AGAP6: variants seen among roughly 807,000 people sequenced by gnomAD.
AGAP6 encodes ArfGAP with GTPase domain, ankyrin repeat and PH domain 6, also known as arf-GAP with GTPase, ANK repeat and PH domain-containing protein 6.
AGAP6 carries 29 observed loss-of-function variants against 63.9 expected under a neutral mutation model. The observed-to-expected ratio is 0.45, with a 90% CI of 0.34 to 0.62. The LOEUF is 0.62. Among genes scored for constraint, AGAP6 ranks in the 20% least tolerant of loss-of-function variants. The probability of loss-of-function intolerance (pLI) is 0.01; values close to 1 mark genes in which losing one functional copy is unlikely to be tolerated. For synonymous variants in AGAP6, 199 were observed against 332.9 expected (o/e 0.60, Z 4.38); for missense variants, 493 against 884.9 (o/e 0.56, Z 5.62).
At chr10:49,992,812 A>G (rs567767948) in intron 3 of AGAP6, among the ~76,000 whole-genome samples, 1 of 151,944 alleles carries the variant, frequency 6.6e-6, no homozygotes, top group African/African-American at 2.4e-5. Context: ...CCCAGGCTGG[A>G]GTGCAATGGC....
At chr10:50,004,568 T>C (rs1841833346) in intron 5 of AGAP6, 117 bp from the exon 6 acceptor site, 1 of 534,498 alleles carries the variant, frequency 1.9e-6, no homozygotes, top group East Asian at 3.5e-5. Flanking sequence ...TGTTCTGAAC[T>C]AGAAGATTTG....
chr10:50,009,618 TGTG>T lies in AGAP6; in HGVS notation c.1494_1496del (p.Met498_Cys499delinsIle). The stretch of plus-strand genomic sequence containing the variant: ...GCCAGTTTGAACTTGGGAGTCCTCA[TGTG>T]TATTGAATGCTCAGGTATCCACCGC... On this transcript the variant is annotated inframe_deletion, in exon 8 of 8. Transcript: ENST00000412531. The T allele has an allele frequency of 6.2e-7, 1 of 1,613,618 alleles. No homozygotes were observed. The highest frequency in any genetic ancestry group is 2.2e-5 in the East Asian group (1 of 44,900).
chr10:49,989,053 C>T (rs1228753437), intron 1 of AGAP6, 115 bp downstream of exon 1: 147 of 1,591,740 alleles, frequency 9.2e-5, no homozygotes, highest in Middle Eastern at 2.3e-4. Flanking sequence ...AGCCAGCTTT[C>T]CCGGGGGCTG....
rs782191595 is a variant in AGAP6 at position 50,008,066 on chromosome 10, A to G, written c.575A>G (p.His192Arg). 2.0e-5 allele frequency: 32 copies of G among 1,611,898 alleles called. No individual in the cohort carries two copies. Among genetic ancestry groups the G allele is most frequent in the Non-Finnish European group, 2.7e-5 (32 of 1,179,828 alleles). The change falls in exon 7 of 8, where the codon CAC becomes CGC. Residue 192 changes from histidine to arginine, a missense_variant. Physicochemically the swap from His to Arg is conservative, Grantham distance 29 (BLOSUM62 0). Coordinates refer to ENST00000412531, the MANE Select transcript of AGAP6 (RefSeq NM_001077665.3). ...RTLSIPDEQLHSFAVSTVHIM... is the reference protein window; with the variant it reads ...RTLSIPDEQLRSFAVSTVHIM... ...TTGAGCATACCTGATGAACAGTTAC[A>G]CTCATTTGCGGTAAGTGGCACTTTT...
Position 50,008,850 on chromosome 10 carries a change from C to G in AGAP6, c.725C>G (p.Pro242Arg), listed in dbSNP as rs782700195. ...SVPPTANTPT[P>R]VCKRSMRWSN... ...CCTCCCACTGCCAACACACCCACGC[C>G]CGTTTGCAAGCGGTCCATGCGCTGG... Residue 242 changes from proline (P) to arginine (R), a missense_variant, in exon 8 of 8, where the codon CCC becomes CGC. Around this residue, in one of 7 missense-constraint regions of AGAP6, gnomAD observed 342 missense variants for 533.4 expected, o/e 0.64. Coordinates refer to ENST00000412531, the MANE Select transcript of AGAP6 (RefSeq NM_001077665.3). The G allele has an allele frequency of 2.5e-6, 4 of 1,614,048 alleles. No homozygotes were observed. Among genetic ancestry groups the G allele is most frequent in the South Asian group, 1.1e-5 (1 of 91,072 alleles).
chr10:49,989,107 G>C (rs1256718218), intron 1 of AGAP6, among the ~76,000 whole-genome samples, 169 bp downstream of exon 1: 9 of 151,012 alleles, frequency 6.0e-5, no homozygotes, highest in Non-Finnish European at 1.0e-4. Context: ...CCACCCCTTA[G>C]TCTTTCCCCA....
chr10:50,006,572 T>C (rs1166262998), intron 6 of AGAP6, among the ~76,000 whole-genome samples: 1 of 152,218 alleles, frequency 6.6e-6, no homozygotes, highest in Non-Finnish European at 1.5e-5. Flanking sequence ...TGACAGGGTT[T>C]CGTTATGTTG....
At chr10:49,998,730 G>GT (rs1223344426) in intron 4 of AGAP6, among the ~76,000 whole-genome samples, 1 of 141,994 alleles carries the variant, frequency 7.0e-6, no homozygotes, top group Non-Finnish European at 1.5e-5. Flanking sequence ...TTTCAGGATT[G>GT]TTTTTTCTAG....
At chr10:49,992,198 C>T (rs1393758119) in intron 3 of AGAP6, among the ~76,000 whole-genome samples, 4 of 151,788 alleles carry the variant, frequency 2.6e-5, no homozygotes, top group Non-Finnish European at 4.4e-5. Flanking sequence ...TTTGGGCCTC[C>T]TCTTACACAG....
rs1476258756 is a variant in AGAP6 at position 50,009,800 on chromosome 10, A to C, written c.1675A>C (p.Thr559Pro). Reference sequence around the variant, plus strand: ...GCAGACAAAACCCTCAGAAAAGTCCACGAGGGAAGAGAAGGAACGGTGGAT... The same window carrying C: ...GCAGACAAAACCCTCAGAAAAGTCCCCGAGGGAAGAGAAGGAACGGTGGAT... Reference protein sequence around the residue: ...QGQTKPSEKSTREEKERWIRS... With the variant: ...QGQTKPSEKSPREEKERWIRS... Residue 559 changes from threonine (T) to proline (P), a missense_variant, in exon 8 of 8, where the codon ACG becomes CCG. Around this residue, in one of 7 missense-constraint regions of AGAP6, gnomAD observed 87 missense variants for 92.9 expected, o/e 0.94. Coordinates refer to ENST00000412531, the MANE Select transcript of AGAP6 (RefSeq NM_001077665.3). The C allele has an allele frequency of 6.2e-7, 1 of 1,613,694 alleles. No individual in the cohort carries two copies. Among genetic ancestry groups the C allele is most frequent in the South Asian group, 1.1e-5 (1 of 91,056 alleles).
rs1841162997 is a variant in AGAP6 at position 49,989,187 on chromosome 10, C to T, written c.224-121C>T. 3.4e-6 allele frequency: 5 copies of T among 1,490,316 alleles called. 1 individual carries two copies. In the South Asian group the frequency reaches 5.1e-5, roughly 15 times the overall value. 92.3% of individuals were successfully genotyped at this position (1,490,316 alleles called of 1,614,324 possible). A position where few individuals can be genotyped will look rare whatever the true frequency, so the allele number is the denominator to read the frequency against. On this transcript the variant is annotated intron_variant, in intron 1 of 7. Coordinates refer to ENST00000412531, the MANE Select transcript of AGAP6 (RefSeq NM_001077665.3). ...GTTCTTGCTCTCTCATCTCATTCTC[C>T]CAGGCTGGCATGGGACCATTTATTT... is the stretch of plus-strand genomic sequence containing the variant.
intron 6 of AGAP6, 24 bp from the exon 7 acceptor site, chr10:50,008,001 G>T: frequency 6.2e-7 from 1 of 1,611,852 alleles, no homozygotes; most frequent in South Asian, 1.1e-5. Context: ...AGTTTTTGAA[G>T]TAATGCGCTT....
In AGAP6 at chr10:50,009,861, C is replaced by T. The variant is rs782606920; in HGVS notation, c.1736C>T (p.Pro579Leu). Reference protein sequence around the residue: ...SKYEEKLFLAPLPCTELSLGQ... With the variant: ...SKYEEKLFLALLPCTELSLGQ... The stretch of plus-strand genomic sequence containing the variant: ...TATGAGGAGAAGCTCTTTCTGGCCC[C>T]ACTACCCTGCACTGAGCTGTCCCTG... Residue 579 changes from proline (P) to leucine (L), a missense_variant, in exon 8 of 8, where the codon CCA becomes CTA. Physicochemically the swap from Pro to Leu is moderately conservative, Grantham distance 98. Coordinates refer to ENST00000412531, the MANE Select transcript of AGAP6 (RefSeq NM_001077665.3). 9 of 1,610,898 alleles carry T rather than the reference C, an allele frequency of 5.6e-6. No homozygotes were observed. The South Asian group carries it at 8.8e-5, about 16-fold the overall frequency.
chr10:50,009,334 A>G lies in AGAP6; in HGVS notation c.1209A>G (p.Leu403=), dbSNP rs781878415. 1.2e-6 allele frequency: 2 copies of G among 1,614,160 alleles called. No individual in the cohort carries two copies. Among genetic ancestry groups the G allele is most frequent in the South Asian group, 1.1e-5 (1 of 91,074 alleles). The change falls in exon 8 of 8, where the codon CTA becomes CTG. Residue 403 remains leucine (L), a synonymous_variant. Transcript: ENST00000412531. The part of the protein sequence containing the change: ...PSPHANKKKH[L]KKKSTNNFMI... ...CTCATGCTAATAAAAAGAAACACCT[A>G]AAGAAGAAAAGCACCAACAACTTTA...
At chr10:50,007,425 T>G in intron 6 of AGAP6, among the ~76,000 whole-genome samples, 1 of 75,686 alleles carries the variant, frequency 1.3e-5, no homozygotes, top group Non-Finnish European at 3.1e-5. Context: ...AAAAGAACAG[T>G]TATGACCTCT....
At chr10:49,989,533 A>C (rs1554860411) in intron 2 of AGAP6, among the ~76,000 whole-genome samples, 157 bp downstream of exon 2, 1 of 152,146 alleles carries the variant, frequency 6.6e-6, no homozygotes. Flanking sequence ...ATGGTACCTA[A>C]GTGAAGGAAC....
At position 50,010,369 on chromosome 10, in the gene AGAP6, T is replaced by C. The variant is rs1842068586; in HGVS notation, c.*183T>C. 1.5e-6 allele frequency: 2 copies of C among 1,291,928 alleles called. No homozygotes were observed. Among genetic ancestry groups the C allele is most frequent in the South Asian group, 1.5e-5 (1 of 68,070 alleles). 80.0% of individuals were successfully genotyped at this position (1,291,928 alleles called of 1,614,324 possible). ...GACCATAAGACGTATTTTATGTCCT[T>C]CTGCCAAGGTGGATTTGTTAGTCTC... On this transcript the variant is annotated 3_prime_UTR_variant, in exon 8 of 8. Transcript: ENST00000412531.
chr10:50,006,069 G>A (rs1841904698), intron 6 of AGAP6, among the ~76,000 whole-genome samples: 2 of 151,446 alleles, frequency 1.3e-5, no homozygotes, highest in Admixed American at 6.6e-5. Flanking sequence ...AATTAGTTAC[G>A]GTGGCATTTT....
intron 4 of AGAP6, among the ~76,000 whole-genome samples, chr10:49,994,808 C>G (rs564823419): frequency 4.0e-5 from 6 of 151,860 alleles, no homozygotes; most frequent in African/African-American, 1.5e-4. Flanking sequence ...ACTAAAAATA[C>G]AAAAGTAGCC....
Sources: gnomAD v4.1 joint callset for allele counts (sites outside exome capture counted in the v4.1 genomes callset) on GRCh38, gnomAD v4.1.1 for gene constraint, gnomAD v4.1.1 regional missense constraint, MANE v1.5 for transcripts, NCBI Gene and HGNC (gene_info 2026-07-23, HGNC 2026-07-21) for gene names.